COPB2: variants seen among roughly 807,000 people sequenced by gnomAD.
COPB2 encodes the protein coat protein complex I subunit beta 2.
A neutral mutation model predicts 120.8 loss-of-function variants in COPB2; 16 were observed. The observed-to-expected ratio is 0.13, with a 90% confidence interval of 0.09 to 0.20. The LOEUF is 0.20. COPB2 is among the 10% of genes least tolerant of loss of function. COPB2 has a pLI of 1.00. For missense variants in COPB2, 794 were observed against 1,076.5 expected, an observed-to-expected ratio of 0.74 and a Z score of 3.67; for synonymous variants, 332 against 366.3, an observed-to-expected ratio of 0.91 and a Z score of 1.07.
intron 16 of COPB2, 87 bp from the exon 17 acceptor site, chr3:139,361,382 G>C: frequency 7.6e-7 from 1 of 1,320,324 alleles, no homozygotes; most frequent in Admixed American, 2.3e-5. Flanking sequence ...TGCAGACAAT[G>C]TTTATAAAAA....
intron 9 of COPB2, among the ~76,000 whole-genome samples, chr3:139,372,823 CAG>C (rs1270378451): frequency 3.3e-5 from 5 of 152,186 alleles, no homozygotes; most frequent in Non-Finnish European, 7.3e-5. Context: ...ACACATATCT[CAG>C]AGTCAGGTTT....
intron 15 of COPB2, 84 bp downstream of exon 15, chr3:139,366,481 TAAG>T (rs1444458070): frequency 1.6e-6 from 2 of 1,248,526 alleles, no homozygotes; most frequent in Non-Finnish European, 2.2e-6. Flanking sequence ...AGTTGGCAAT[TAAG>T]AAATAAAGTT....
chr3:139,358,998 C>T lies in COPB2; in HGVS notation c.2484G>A (p.Thr828=), dbSNP rs1162553959. The T allele has an allele frequency of 4.3e-6, 7 of 1,610,670 alleles. No individual in the cohort carries two copies. The highest frequency in any genetic ancestry group is 1.3e-5 in the African/African-American group (1 of 74,640). ...GAAGCTTGACATCCTGGCCACTCAC[C>T]GTGACAAGTGGGTATTGTTTGGCTG... ...LWPAKQYPLV[T]PNEERNVMEE... The change falls in exon 19 of 22, where the codon ACG becomes ACA. Residue 828 remains threonine, a splice_region_variant and synonymous_variant. Coordinates refer to ENST00000333188, the MANE Select transcript of COPB2 (RefSeq NM_004766.3).
intron 5 of COPB2, among the ~76,000 whole-genome samples, chr3:139,375,890 T>C (rs1168884118): frequency 1.3e-5 from 2 of 152,184 alleles, no homozygotes; most frequent in East Asian, 1.9e-4. Flanking sequence ...CCCAGGAATC[T>C]AGATGTTATG....
At chr3:139,361,342 T>C (rs1337512463) in intron 16 of COPB2, 47 bp from the exon 17 acceptor site, 1 of 1,552,730 alleles carries the variant, frequency 6.4e-7, no homozygotes, top group Admixed American at 1.7e-5. Flanking sequence ...GAAATAAGCA[T>C]TTACATTTCC....
Position 139,358,225 on chromosome 3 carries a change from G to A in COPB2, c.2600C>T (p.Ser867Phe), listed in dbSNP as rs770207295. ...CTTTTCTTCTTTGTTGGCTGTGTGG[G>A]AGGCCACAATAACCGGAGTAGGAGA... ...PASPTPVIVA[S>F]HTANKEEKSL... Residue 867 changes from serine (S) to phenylalanine (F), a missense_variant, in exon 21 of 22, where the codon TCC becomes TTC. Physicochemically the swap from Ser to Phe is radical, Grantham distance 155. Transcript: ENST00000333188. 1 of 1,614,152 alleles carries A rather than the reference G, an allele frequency of 6.2e-7. No individual in the cohort carries two copies. Among genetic ancestry groups the A allele is most frequent in the South Asian group, 1.1e-5 (1 of 91,082 alleles).
Position 139,389,580 on chromosome 3 carries a change from C to T in COPB2, c.-30G>A, listed in dbSNP as rs531272892. 1 of 1,570,352 alleles carries T rather than the reference C, an allele frequency of 6.4e-7. No homozygotes were observed. The highest frequency in any genetic ancestry group is 1.4e-5 in the African/African-American group (1 of 74,014). On this transcript the variant is annotated 5_prime_UTR_variant, in exon 1 of 22. Coordinates refer to ENST00000333188, the MANE Select transcript of COPB2 (RefSeq NM_004766.3). The stretch of plus-strand genomic sequence containing the variant: ...GCGTCGGTCCAATCCCGGGAACCCT[C>T]GTTTGTTACCGGCTACTCAGGCCTT...
rs1576374986 is a variant in COPB2, at chr3:139,373,650, G to A, written c.894+16C>T. On this transcript the variant is annotated intron_variant, in intron 8 of 21. Transcript: ENST00000333188. ...TTTTGCCTATGTCCACCTACTGAGA[G>A]GGATAGTATAATTACCTTAACAATG... The A allele has an allele frequency of 1.9e-6, 3 of 1,613,896 alleles. No individual in the cohort carries two copies. The highest frequency in any genetic ancestry group is 1.7e-6 in the Non-Finnish European group (2 of 1,179,948).
chr3:139,373,474 C>T (rs1196900821), intron 8 of COPB2, 62 bp from the exon 9 acceptor site: 1 of 1,582,672 alleles, frequency 6.3e-7, no homozygotes, highest in African/African-American at 1.4e-5. Flanking sequence ...CAAAACAAAA[C>T]AGATTATTTT....
At chr3:139,364,490 C>T (rs1576370888) in intron 15 of COPB2, among the ~76,000 whole-genome samples, 2 of 152,176 alleles carry the variant, frequency 1.3e-5, no homozygotes, top group African/African-American at 4.8e-5. Context: ...ATATTAAATA[C>T]TGAGACTCCA....
chr3:139,359,886 A>G (rs1378647401), intron 17 of COPB2, among the ~76,000 whole-genome samples: 1 of 152,158 alleles, frequency 6.6e-6, no homozygotes, highest in Non-Finnish European at 1.5e-5. Context: ...TACAGTATGT[A>G]TACTATGTAT....
chr3:139,381,299 T>C (rs1366077305), intron 2 of COPB2: 1 of 152,244 alleles, frequency 6.6e-6, no homozygotes, highest in African/African-American at 2.4e-5. Context: ...TCTCCTTATT[T>C]GAAATTCAAG....
chr3:139,384,452 T>C (rs563122721), intron 1 of COPB2, among the ~76,000 whole-genome samples: 2 of 152,360 alleles, frequency 1.3e-5, no homozygotes, highest in East Asian at 3.9e-4. Flanking sequence ...AATTTTATCA[T>C]TGGCAAGAAA....
At chr3:139,366,842 A>G (rs907493906) in intron 14 of COPB2, 67 bp from the exon 15 acceptor site, 2 of 1,542,452 alleles carry the variant, frequency 1.3e-6, no homozygotes, top group South Asian at 2.3e-5. Context: ...CACCCCGCCA[A>G]TCTCCCTCTT....
At chr3:139,369,721 C>G (rs536793754) in intron 10 of COPB2, among the ~76,000 whole-genome samples, 177 bp from the exon 11 acceptor site, 1 of 152,244 alleles carries the variant, frequency 6.6e-6, no homozygotes, top group African/African-American at 2.4e-5. Flanking sequence ...TACAGTTGGA[C>G]AAATGATGAA....
At chr3:139,379,015 G>A in intron 4 of COPB2, 32 bp downstream of exon 4, 2 of 1,546,180 alleles carry the variant, frequency 1.3e-6, no homozygotes, top group East Asian at 4.5e-5. Context: ...TACCCAAAGA[G>A]ACGCACATGA....
chr3:139,382,868 T>G (rs1232362420), intron 2 of COPB2: 1 of 171,228 alleles, frequency 5.8e-6, no homozygotes, highest in Non-Finnish European at 1.2e-5. Flanking sequence ...TATAAATATT[T>G]CCCTGATATA....
intron 9 of COPB2, 28 bp downstream of exon 9, chr3:139,373,185 C>A (rs777021429): frequency 1.2e-6 from 2 of 1,610,296 alleles, no homozygotes; most frequent in African/African-American, 1.3e-5. Flanking sequence ...TACACAGAAG[C>A]TGAGGGACAA....
chr3:139,366,959 G>T, intron 14 of COPB2, 56 bp downstream of exon 14: 7 of 1,574,904 alleles, frequency 4.4e-6, no homozygotes, highest in Non-Finnish European at 5.2e-6. Context: ...GCCAGCAACA[G>T]ATTTTTCTAA....
Sources: gnomAD v4.1 joint callset for allele counts (sites outside exome capture counted in the v4.1 genomes callset) on GRCh38, gnomAD v4.1.1 for gene constraint, MANE v1.5 for transcripts, NCBI Gene and HGNC (gene_info 2026-07-23, HGNC 2026-07-21) for gene names.